The following MRPS27 variants were observed in gnomAD, a reference collection of about 807,000 sequenced individuals.
MRPS27 encodes the protein small ribosomal subunit protein mS27.
Under a neutral mutation model 48.9 loss-of-function variants are expected in MRPS27, and 43 were observed. The ratio of observed to expected loss-of-function variants is 0.88; its 90% CI spans 0.69 to 1.13. MRPS27 has a LOEUF of 1.13. Among genes scored for constraint, MRPS27 ranks in the 50% most tolerant of loss-of-function variants. The pLI is 0.00. For synonymous variants in MRPS27, 188 were observed against 171.9 expected (o/e 1.09, Z -0.73); for missense variants, 467 against 476.3 (o/e 0.98, Z 0.18).
intron 4 of MRPS27, among the ~76,000 whole-genome samples, chr5:72,248,259 T>C (rs1748558460): frequency 1.3e-5 from 2 of 152,176 alleles, no homozygotes; most frequent in African/African-American, 4.8e-5. Context: ...CTTCATGTCA[T>C]AGGAAGGTTA....
chr5:72,319,684 C>G (rs1032389814), intron 1 of MRPS27, among the ~76,000 whole-genome samples: 3 of 151,956 alleles, frequency 2.0e-5, no homozygotes, highest in African/African-American at 7.3e-5. Context: ...GCTGGGATTA[C>G]AGGCGCGCGC....
intron 4 of MRPS27, among the ~76,000 whole-genome samples, chr5:72,253,318 C>G (rs531762800): frequency 1.3e-5 from 2 of 152,146 alleles, no homozygotes; most frequent in Non-Finnish European, 2.9e-5. Flanking sequence ...TAGAGATAAG[C>G]ACATATGATC....
chr5:72,299,188 C>T (rs1403931690), intron 2 of MRPS27, among the ~76,000 whole-genome samples: 5 of 151,994 alleles, frequency 3.3e-5, no homozygotes, highest in Non-Finnish European at 7.4e-5. Flanking sequence ...GATGGAATCA[C>T]TTATACCCCA....
chr5:72,227,371 A>T (rs1489449167), intron 8 of MRPS27: 1 of 152,220 alleles, frequency 6.6e-6, no homozygotes, highest in Non-Finnish European at 1.5e-5. Context: ...CTCCTTTGTT[A>T]GTCTGATAGA....
Position 72,221,164 on chromosome 5 carries a change from G to A in MRPS27, c.1006-16C>T, listed in dbSNP as rs377466040. The A allele has an allele frequency of 6.2e-7, 1 of 1,610,242 alleles. No individual in the cohort carries two copies. Among genetic ancestry groups the A allele is most frequent in the Non-Finnish European group, 8.5e-7 (1 of 1,178,650 alleles). On this transcript the variant is annotated splice_polypyrimidine_tract_variant and intron_variant, in intron 10 of 10. Transcript: ENST00000261413. ...AATGTAAGGCCTGTTGGAAACAAAT[G>A]GGAAAAATGAGAAGAAAGGTAGAGA... is the stretch of plus-strand genomic sequence containing the variant.
chr5:72,273,125 T>A (rs1414169442), intron 4 of MRPS27, among the ~76,000 whole-genome samples: 1 of 152,134 alleles, frequency 6.6e-6, no homozygotes, highest in African/African-American at 2.4e-5. Context: ...TCTTATCTCA[T>A]CCCTGGAAGC....
intron 4 of MRPS27, among the ~76,000 whole-genome samples, chr5:72,266,128 G>A (rs1749102307): frequency 6.6e-6 from 1 of 152,118 alleles, no homozygotes; most frequent in Non-Finnish European, 1.5e-5. Context: ...AATGAACCAA[G>A]CATGATGGGA....
intron 10 of MRPS27, 76 bp from the exon 11 acceptor site, chr5:72,221,224 C>A (rs1007383920): frequency 6.6e-7 from 1 of 1,522,156 alleles, no homozygotes; most frequent in African/African-American, 1.4e-5. Flanking sequence ...AAAACTAGCC[C>A]TGAGTGACTG....
In MRPS27 at chr5:72,221,048, G is replaced by T. The variant is rs771204079; in HGVS notation, c.1106C>A (p.Ala369Glu). The T allele has an allele frequency of 6.2e-7, 1 of 1,614,202 alleles. No homozygotes were observed. The highest frequency in any genetic ancestry group is 8.5e-7 in the Non-Finnish European group (1 of 1,180,034). The stretch of plus-strand genomic sequence containing the variant: ...CTGCTCATAGGTGGCGATGTCCTCT[G>T]CTTCACAGGTGGAGAGTTTTTCCTT... The part of the protein sequence containing the change: ...LVKEKLSTCE[A>E]EDIATYEQNL... The change falls in exon 11 of 11, where the codon GCA (alanine) becomes GAA (glutamate). Residue 369 changes from alanine (A) to glutamate (E), a missense_variant. Coordinates refer to ENST00000261413, the MANE Select transcript of MRPS27 (RefSeq NM_015084.3).
chr5:72,281,656 G>T (rs935225682), intron 4 of MRPS27, among the ~76,000 whole-genome samples: 8 of 152,308 alleles, frequency 5.3e-5, no homozygotes, highest in African/African-American at 1.9e-4. Context: ...TATGAAAGTA[G>T]AAGGCACATT....
chr5:72,309,186 G>T (rs1190615079), intron 2 of MRPS27, among the ~76,000 whole-genome samples: 1 of 152,082 alleles, frequency 6.6e-6, no homozygotes, highest in African/African-American at 2.4e-5. Context: ...TCAGTAAATG[G>T]TGGCTAGTAC....
At chr5:72,299,041 T>C (rs900116128) in intron 2 of MRPS27, among the ~76,000 whole-genome samples, 8 of 152,048 alleles carry the variant, frequency 5.3e-5, no homozygotes, top group Non-Finnish European at 1.0e-4. Flanking sequence ...TACCACATGT[T>C]CTCATTTACA....
intron 4 of MRPS27, among the ~76,000 whole-genome samples, chr5:72,251,595 A>G (rs1748667491): frequency 6.6e-6 from 1 of 152,220 alleles, no homozygotes; most frequent in African/African-American, 2.4e-5. Flanking sequence ...AATGGGGTTT[A>G]TACCTTGAGC....
chr5:72,236,459 A>G (rs189795366), intron 5 of MRPS27, among the ~76,000 whole-genome samples: 78 of 152,272 alleles, frequency 5.1e-4, no homozygotes, highest in Non-Finnish European at 8.2e-4. Context: ...CCACTAAAAG[A>G]CTCAAGAAGC....
chr5:72,225,383 C>A (rs1747864051), intron 9 of MRPS27, among the ~76,000 whole-genome samples: 1 of 152,168 alleles, frequency 6.6e-6, no homozygotes, highest in African/African-American at 2.4e-5. Flanking sequence ...TCTCAGGACT[C>A]ACACTGGCTG....
intron 3 of MRPS27, among the ~76,000 whole-genome samples, chr5:72,297,221 T>C (rs1750004096): frequency 6.6e-6 from 1 of 152,218 alleles, no homozygotes; most frequent in Non-Finnish European, 1.5e-5. Flanking sequence ...CTTCCACCCA[T>C]CACTCTGCTG....
intron 4 of MRPS27, among the ~76,000 whole-genome samples, chr5:72,269,726 T>C (rs764464148): frequency 2.0e-5 from 3 of 152,216 alleles, no homozygotes; most frequent in Non-Finnish European, 4.4e-5. Flanking sequence ...TGTGTATGCA[T>C]GGATTTGTAC....
At chr5:72,246,030 G>C (rs935431250) in intron 4 of MRPS27, among the ~76,000 whole-genome samples, 1 of 152,082 alleles carries the variant, frequency 6.6e-6, no homozygotes, top group Non-Finnish European at 1.5e-5. Context: ...TAACTCTACT[G>C]ACTCCTCTAT....
intron 2 of MRPS27, among the ~76,000 whole-genome samples, chr5:72,301,136 A>AT (rs1201113286): frequency 6.6e-6 from 1 of 152,098 alleles, no homozygotes; most frequent in Non-Finnish European, 1.5e-5. Context: ...GCATTTAACC[A>AT]TTTTTTCCTC....
Sources: gnomAD v4.1 joint callset for allele counts (sites outside exome capture counted in the v4.1 genomes callset) on GRCh38, gnomAD v4.1.1 for gene constraint, MANE v1.5 for transcripts, NCBI Gene and HGNC (gene_info 2026-07-23, HGNC 2026-07-21) for gene names.